UNC79: variants seen among roughly 807,000 people sequenced by gnomAD.
UNC79 encodes the protein unc-79 subunit of NALCN channel complex, also known as protein unc-79 homolog.
In UNC79, 37 loss-of-function variants were observed where a neutral mutation model predicts 283.1. The observed-to-expected ratio is 0.13, with a 90% confidence interval of 0.10 to 0.17. The LOEUF (loss-of-function observed/expected upper bound fraction) is 0.17. Ranked by LOEUF, UNC79 falls within the 10% of genes least tolerant of loss-of-function variation. The pLI is 1.00. For synonymous variants in UNC79, 1,107 were observed against 1,200.2 expected (o/e 0.92, Z 1.61); for missense variants, 2,272 against 3,211.1 (o/e 0.71, Z 7.07).
In UNC79 at chr14:93,637,471, T is replaced by C. The variant is rs1344988996; in HGVS notation, c.5800+172T>C. 1.2e-5 allele frequency: 14 copies of C among 1,150,390 alleles called. No individual in the cohort carries two copies. The Admixed American group carries it at 1.5e-4, about 12-fold the overall frequency. 71.3% of individuals were successfully genotyped at this position (1,150,390 alleles called of 1,614,324 possible). A position where few individuals can be genotyped will look rare whatever the true frequency, so the allele number is the denominator to read the frequency against. ...GTGCGTGACATCTCATCTTTGAACA[T>C]GGCCAACAGTTCTTCCTTATAGTGA... On this transcript the variant is annotated intron_variant, in intron 32 of 48. Transcript: ENST00000555664.
chr14:93,501,984 A>T (rs887729732), intron 7 of UNC79, among the ~76,000 whole-genome samples: 2 of 152,246 alleles, frequency 1.3e-5, no homozygotes, highest in African/African-American at 4.8e-5. Flanking sequence ...TTTTCTAAAC[A>T]TAGTTAACAT....
chr14:93,459,662 T>C (rs2140206979), intron 1 of UNC79, among the ~76,000 whole-genome samples: 1 of 129,218 alleles, frequency 7.7e-6, no homozygotes, highest in African/African-American at 3.0e-5. Context: ...TTTTGAACTT[T>C]GGTTTATTCA....
chr14:93,653,702 G>A, intron 35 of UNC79, 40 bp from the exon 39 acceptor site: 2 of 1,573,544 alleles, frequency 1.3e-6, no homozygotes, highest in Non-Finnish European at 1.7e-6. Context: ...CTGCTCACTG[G>A]CCCATGACTT....
chr14:93,472,700 C>G (rs2057580648), intron 2 of UNC79, among the ~76,000 whole-genome samples: 1 of 152,042 alleles, frequency 6.6e-6, no homozygotes, highest in Non-Finnish European at 1.5e-5. Context: ...CTTGATAGAG[C>G]AAGCATGCTT....
intron 32 of UNC79, 173 bp downstream of exon 35, chr14:93,637,472 G>C: frequency 8.7e-7 from 1 of 1,148,632 alleles, no homozygotes; most frequent in Non-Finnish European, 1.2e-6. Context: ...CTTTGAACAT[G>C]GCCAACAGTT....
chr14:93,586,498 A>AT, intron 20 of UNC79, 98 bp from the exon 21 acceptor site: 1 of 1,150,190 alleles, frequency 8.7e-7, no homozygotes, highest in Non-Finnish European at 1.2e-6. Flanking sequence ...ATATATGTCA[A>AT]TTTTTTACTC....
chr14:93,493,889 A>ATT, intron 5 of UNC79, among the ~76,000 whole-genome samples: 3 of 63,500 alleles, frequency 4.7e-5, no homozygotes, highest in Non-Finnish European at 6.5e-5. Flanking sequence ...ATATATATAT[A>ATT]TATATATATA....
chr14:93,479,907 C>T (rs530157231), intron 4 of UNC79, among the ~76,000 whole-genome samples: 22 of 152,244 alleles, frequency 1.4e-4, no homozygotes, highest in African/African-American at 4.8e-4. Context: ...TGCTGGGAGG[C>T]GATGGTGGGA....
At chr14:93,431,970 A>G (rs1399642910) in intron 1 of UNC79, among the ~76,000 whole-genome samples, 1 of 152,246 alleles carries the variant, frequency 6.6e-6, no homozygotes, top group Non-Finnish European at 1.5e-5. Flanking sequence ...TGTAAATAAA[A>G]GACGTTTTTA....
At chr14:93,608,852 A>G (rs2066083479) in intron 26 of UNC79, among the ~76,000 whole-genome samples, 1 of 152,168 alleles carries the variant, frequency 6.6e-6, no homozygotes, top group Non-Finnish European at 1.5e-5. Flanking sequence ...GTGCACTTTG[A>G]CAGACATTTA....
chr14:93,382,132 A>G (rs2139990585), intron 1 of UNC79, among the ~76,000 whole-genome samples: 1 of 152,282 alleles, frequency 6.6e-6, no homozygotes, highest in African/African-American at 2.4e-5. Context: ...CTGGTTCCTA[A>G]TAATACAAGG....
At chr14:93,351,354 T>G (rs1001635681) in intron 1 of UNC79, among the ~76,000 whole-genome samples, 58 of 152,310 alleles carry the variant, frequency 3.8e-4, no homozygotes, top group Admixed American at 1.6e-3. Context: ...ATGAACACAT[T>G]TTTTGTTTTG....
At chr14:93,448,221 A>T (rs1233681700) in intron 1 of UNC79, among the ~76,000 whole-genome samples, 2 of 118,492 alleles carry the variant, frequency 1.7e-5, no homozygotes, top group Admixed American at 9.1e-5. Flanking sequence ...TTCATGTTTG[A>T]TACTTTCTAT....
exon 30 of UNC79, chr14:93,622,795 C>T: frequency 6.2e-7 from 1 of 1,614,186 alleles, no homozygotes; most frequent in Non-Finnish European, 8.5e-7. Flanking sequence ...AGTACCTCGA[C>T]ATCTCCTTCA....
chr14:93,705,242 T>A lies in UNC79; in HGVS notation c.7590+576T>A, dbSNP rs564526617. Among the ~76,000 whole-genome samples, 3 of 146,418 alleles carry A rather than the reference T, an allele frequency of 2.0e-5. No individual in the cohort carries two copies. In the South Asian group the frequency reaches 6.5e-4, roughly 32 times the overall value. On this transcript the variant is annotated intron_variant, in intron 48 of 48. Transcript: ENST00000555664. ...ACAGAGTGAGACCCTGTCTCTATTT[T>A]AAAAAAAGAAATCAAAGAAATATAA...
intron 39 of UNC79, among the ~76,000 whole-genome samples, chr14:93,660,901 G>A (rs2071536204): frequency 6.6e-6 from 1 of 151,966 alleles, no homozygotes; most frequent in Admixed American, 6.6e-5. Flanking sequence ...CAAGGCAATA[G>A]CATTTATATG....
rs1595466017 is a variant in UNC79, at chr14:93,430,995, A to T, written c.-35A>T. 2 of 701,082 alleles carry T rather than the reference A, an allele frequency of 2.9e-6. No individual in the cohort carries two copies. The highest frequency in any genetic ancestry group is 5.4e-5 in the East Asian group (2 of 37,184). 43.4% of individuals were successfully genotyped at this position (701,082 alleles called of 1,614,324 possible). A position where few individuals can be genotyped will look rare whatever the true frequency, so the allele number is the denominator to read the frequency against. On this transcript the variant is annotated 5_prime_UTR_variant, in exon 1 of 49. Transcript: ENST00000555664. The surrounding 1 kb of genome is among the most constrained non-coding windows in gnomAD (Gnocchi z 4.6). ...GAGCGAGGGAGCTCACACGACACAGATTTTGGGGCAAAGCCTTTCCAACTG... is the reference window on the plus strand; with the variant it reads ...GAGCGAGGGAGCTCACACGACACAGTTTTTGGGGCAAAGCCTTTCCAACTG...
rs994692605 is a variant in UNC79 at position 93,631,032 on chromosome 14, G to C, written c.5716+124G>C. On this transcript the variant is annotated intron_variant, in intron 31 of 48. Coordinates refer to ENST00000555664, the Ensembl canonical transcript of UNC79. ...ATTTTAATGTTGCATCAGCTTCCTTGGTGATAGTATGTTGTATATTCTCAG... is the reference window on the plus strand; with the variant it reads ...ATTTTAATGTTGCATCAGCTTCCTTCGTGATAGTATGTTGTATATTCTCAG... The C allele has an allele frequency of 1.1e-5, 10 of 885,090 alleles. No individual in the cohort carries two copies. In the African/African-American group the frequency reaches 1.5e-4, roughly 13 times the overall value. The allele number at this position is 885,090 out of a possible 1,614,324, so 54.8% of individuals were successfully genotyped here.
At chr14:93,542,281 A>G (rs1202370845) in intron 13 of UNC79, among the ~76,000 whole-genome samples, 185 bp from the exon 14 acceptor site, 1 of 152,200 alleles carries the variant, frequency 6.6e-6, no homozygotes, top group Non-Finnish European at 1.5e-5. Context: ...TGTTGTTGCA[A>G]TCCATCTATC....
Sources: gnomAD v4.1 joint callset for allele counts (sites outside exome capture counted in the v4.1 genomes callset) on GRCh38, gnomAD v4.1.1 for gene constraint, Gnocchi (gnomAD v3.1) non-coding constraint, MANE v1.5 for transcripts, NCBI Gene and HGNC (gene_info 2026-07-23, HGNC 2026-07-21) for gene names.